COBLL1: variants seen among roughly 807,000 people sequenced by gnomAD.
The protein encoded by COBLL1 is cordon-bleu protein-like 1.
Under a neutral mutation model 94.8 loss-of-function variants are expected in COBLL1, and 50 were observed. That is an observed-to-expected ratio of 0.53 (90% CI 0.42 to 0.67). COBLL1 has a LOEUF of 0.67. Ranked by LOEUF, COBLL1 falls within the 30% of genes least tolerant of loss-of-function variation. The pLI, the probability that COBLL1 is intolerant of heterozygous loss-of-function variation, is 0.00. For missense variants in COBLL1, 1,362 were observed against 1,348.7 expected, an observed-to-expected ratio of 1.01 and a Z score of -0.15; for synonymous variants, 448 against 473.8, an observed-to-expected ratio of 0.95 and a Z score of 0.71.
rs1376206856 is a variant in COBLL1 at position 164,681,431 on chromosome 2, A to G, written c.*4515T>C. 1 of 152,194 alleles carries G rather than the reference A, an allele frequency of 6.6e-6. No individual in the cohort carries two copies. The highest frequency in any genetic ancestry group is 1.9e-4 in the East Asian group (1 of 5,182). 9.4% of individuals were successfully genotyped at this position (152,194 alleles called of 1,614,324 possible). On this transcript the variant is annotated 3_prime_UTR_variant, in exon 14 of 14. Transcript: ENST00000652658. ...TTTGAGGGCTGGTCTTAGAACTGGC[A>G]CAGTGTCATTTTCACTTCATTCTGT...
Position 164,684,478 on chromosome 2 carries a change from A to T in COBLL1, c.*1468T>A, listed in dbSNP as rs113857014. 2.0e-5 allele frequency: 3 copies of T among 152,256 alleles called. No individual in the cohort carries two copies. The highest frequency in any genetic ancestry group is 4.8e-5 in the African/African-American group (2 of 41,562). 9.4% of individuals were successfully genotyped at this position (152,256 alleles called of 1,614,324 possible). A position where few individuals can be genotyped will look rare whatever the true frequency, so the allele number is the denominator to read the frequency against. Reference sequence around the variant, plus strand: ...TTGCTTATAACAACATAACTTAAGTATCTATATATGAGGGTCTCTCCAACT... The same window carrying T: ...TTGCTTATAACAACATAACTTAAGTTTCTATATATGAGGGTCTCTCCAACT... On this transcript the variant is annotated 3_prime_UTR_variant, in exon 14 of 14. Coordinates refer to ENST00000652658, the MANE Select transcript of COBLL1 (RefSeq NM_001365672.2).
intron 7 of COBLL1, among the ~76,000 whole-genome samples, chr2:164,714,370 G>GA (rs35115672): frequency 1.0e-3 from 116 of 114,390 alleles, no homozygotes; most frequent in African/African-American, 3.5e-3. Context: ...CATCTTGGAT[G>GA]AAAAAAAAAA....
chr2:164,799,019 CAA>C (rs555113117), intron 2 of COBLL1, among the ~76,000 whole-genome samples: 19 of 69,826 alleles, frequency 2.7e-4, no homozygotes, highest in African/African-American at 1.2e-3. Flanking sequence ...GACTCCGTCT[CAA>C]AAAAAAAAAA....
intron 2 of COBLL1, among the ~76,000 whole-genome samples, chr2:164,836,958 C>T (rs1356564017): frequency 6.6e-6 from 1 of 152,194 alleles, no homozygotes; most frequent in Non-Finnish European, 1.5e-5. Flanking sequence ...CATGTTGAAA[C>T]CTCAGAGAAG....
At chr2:164,740,316 T>TTGTGTGGA (rs1686524124) in intron 3 of COBLL1, among the ~76,000 whole-genome samples, 1 of 152,010 alleles carries the variant, frequency 6.6e-6, no homozygotes, top group Admixed American at 6.6e-5. Flanking sequence ...TGAGTCCAGC[T>TTGTGTGGA]CTTACCACTG....
rs1196773378 is a variant in COBLL1 at position 164,684,235 on chromosome 2, G to C, written c.*1711C>G. 4.6e-5 allele frequency: 7 copies of C among 151,896 alleles called. No individual in the cohort carries two copies. Among genetic ancestry groups the C allele is most frequent in the African/African-American group, 7.3e-5 (3 of 41,344 alleles). 9.4% of individuals were successfully genotyped at this position (151,896 alleles called of 1,614,324 possible). A position where few individuals can be genotyped will look rare whatever the true frequency, so the allele number is the denominator to read the frequency against. On this transcript the variant is annotated 3_prime_UTR_variant, in exon 14 of 14. Coordinates refer to ENST00000652658, the MANE Select transcript of COBLL1 (RefSeq NM_001365672.2). The stretch of plus-strand genomic sequence containing the variant: ...AATAATGTGCTGATATTTCTATTAG[G>C]TAGACTTATCATGAGTTGTAGGAAC...
At chr2:164,725,634 G>A (rs1049699939) in intron 5 of COBLL1, among the ~76,000 whole-genome samples, 4 of 152,018 alleles carry the variant, frequency 2.6e-5, no homozygotes, top group African/African-American at 4.8e-5. Flanking sequence ...TCCCAGGCTG[G>A]TCGCAAATTC....
chr2:164,758,058 A>G (rs1687496485), intron 2 of COBLL1, among the ~76,000 whole-genome samples: 1 of 152,116 alleles, frequency 6.6e-6, no homozygotes, highest in African/African-American at 2.4e-5. Context: ...ATTAATGTAA[A>G]CAAACGAGCG....
At chr2:164,665,526 A>ATTAT in intron 2 of COBLL1, among the ~76,000 whole-genome samples, 1 of 151,792 alleles carries the variant, frequency 6.6e-6, no homozygotes, top group Admixed American at 6.6e-5. Context: ...AAGATTGAAA[A>ATTAT]CCCTACCCCA....
chr2:164,810,344 T>A (rs188793849), intron 2 of COBLL1, among the ~76,000 whole-genome samples: 1 of 151,738 alleles, frequency 6.6e-6, no homozygotes, highest in East Asian at 1.9e-4. Context: ...GAAAATTTAT[T>A]TTTAAAATTT....
intron 13 of COBLL1, among the ~76,000 whole-genome samples, chr2:164,687,979 T>A (rs1055149467): frequency 1.3e-5 from 2 of 152,172 alleles, no homozygotes; most frequent in East Asian, 3.8e-4. Context: ...CAGAATCCAC[T>A]TAAATGTCCA....
chr2:164,705,188 C>T (rs1226155275), intron 7 of COBLL1, 83 bp from the exon 8 acceptor site: 2 of 1,086,692 alleles, frequency 1.8e-6, no homozygotes, highest in East Asian at 5.5e-5. Context: ...TTACGTCAAG[C>T]ACAGGATATA....
Position 164,725,101 on chromosome 2 carries a change from G to GATATATATATATATATATATATAT in COBLL1, c.662-2603_662-2580dup, listed in dbSNP as rs760164549. ...GAAGATGCTAGCATTTACCCTGCAGGATATATATATATATATATATATATA... is the reference window on the plus strand; with the variant it reads ...GAAGATGCTAGCATTTACCCTGCAGGATATATATATATATATATATATATATATATATATATATATATATATATA... On this transcript the variant is annotated intron_variant, in intron 5 of 13. Coordinates refer to ENST00000652658, the MANE Select transcript of COBLL1 (RefSeq NM_001365672.2). The GATATATATATATATATATATATAT allele has an allele frequency of 5.8e-4, 44 of 76,248 alleles. No individual in the cohort carries two copies. The Admixed American group carries it at 5.8e-3, about 10-fold the overall frequency. The allele number at this position is 76,248 out of a possible 1,614,324, so 4.7% of individuals were successfully genotyped here.
rs73968275 is a variant in COBLL1 at position 164,816,505 on chromosome 2, A to G, written c.41+24651T>C. 2.8e-3 allele frequency among the ~76,000 whole-genome samples: 420 copies of G among 152,306 alleles called. 4 individuals carry two copies. Among genetic ancestry groups the G allele is most frequent in the African/African-American group, 9.6e-3 (401 of 41,562 alleles). On this transcript the variant is annotated intron_variant, in intron 2 of 13. Coordinates refer to ENST00000652658, the MANE Select transcript of COBLL1 (RefSeq NM_001365672.2). ...ACCGGTAGTTTGGAAATAACCCTGC[A>G]GTGTATTAAGTTTTTAAAAGCTGAG...
chr2:164,687,543 G>C, intron 13 of COBLL1: 1 of 1,280,566 alleles, frequency 7.8e-7, no homozygotes, highest in Non-Finnish European at 1.1e-6. Context: ...TGTGACCCCT[G>C]ACCACAGTGC....
intron 9 of COBLL1, among the ~76,000 whole-genome samples, chr2:164,702,554 T>G (rs1003630719): frequency 2.7e-5 from 2 of 74,138 alleles, no homozygotes; most frequent in African/African-American, 1.9e-4. Context: ...ACAGTGAGAC[T>G]CCTCAAAAAA....
intron 2 of COBLL1, among the ~76,000 whole-genome samples, chr2:164,788,839 C>CAAA (rs34224594): frequency 5.0e-5 from 7 of 140,394 alleles, no homozygotes; most frequent in Non-Finnish European, 7.8e-5. Flanking sequence ...TATGTTTAAC[C>CAAA]AAAAAAAAAA....
chr2:164,826,632 GAGGTCC>G (rs1030861626), intron 2 of COBLL1, among the ~76,000 whole-genome samples: 1 of 152,178 alleles, frequency 6.6e-6, no homozygotes, highest in Non-Finnish European at 1.5e-5. Flanking sequence ...AGCACAGATG[GAGGTCC>G]AGGTCCTGTC....
chr2:164,766,169 C>G (rs1687925912), intron 2 of COBLL1, among the ~76,000 whole-genome samples: 2 of 152,188 alleles, frequency 1.3e-5, no homozygotes. Context: ...CATGAATAGA[C>G]ATTTTATTTA....
Sources: allele counts gnomAD v4.1 joint callset (sites outside exome capture counted in the v4.1 genomes callset), GRCh38; gene constraint gnomAD v4.1.1; transcripts MANE v1.5; gene names NCBI Gene and HGNC (gene_info 2026-07-23, HGNC 2026-07-21).